Variants in KCNK2 observed in about 807,000 individuals in gnomAD.
KCNK2 encodes the protein potassium two pore domain channel subfamily K member 2, also known as potassium channel subfamily K member 2.
KCNK2 carries 21 observed loss-of-function variants against 40.5 expected under a neutral mutation model. The observed-to-expected ratio is 0.52, with a 90% CI of 0.37 to 0.75. The LOEUF (loss-of-function observed/expected upper bound fraction) is 0.75, where lower values mean the gene tolerates loss of function less well. Among genes scored for constraint, KCNK2 ranks in the 30% least tolerant of loss-of-function variants. The probability of loss-of-function intolerance (pLI) is 0.00; values close to 1 mark genes in which losing one functional copy is unlikely to be tolerated. For synonymous variants in KCNK2, 191 were observed against 202.2 expected, an observed-to-expected ratio of 0.94 and a Z score of 0.47; for missense variants, 399 against 531.6, an observed-to-expected ratio of 0.75 and a Z score of 2.45.
Position 215,116,994 on chromosome 1 carries a change from A to G in KCNK2, c.358-7639A>G, listed in dbSNP as rs138898729. Among the ~76,000 whole-genome samples the G allele has an allele frequency of 6.9e-3, 1,049 of 152,146 alleles. 8 individuals are homozygous for G. Among genetic ancestry groups the G allele is most frequent in the Middle Eastern group, 0.017 (5 of 292 alleles). ...TGAAATCAAATATATATTTTTATAAAGAAAAAGATTATTGATGCTAGGTTT... is the reference window on the plus strand; with the variant it reads ...TGAAATCAAATATATATTTTTATAAGGAAAAAGATTATTGATGCTAGGTTT... On this transcript the variant is annotated intron_variant, in intron 2 of 6. Coordinates refer to ENST00000444842, the MANE Select transcript of KCNK2 (RefSeq NM_001017425.3).
At chr1:215,107,851 AT>A (rs1660503159) in intron 2 of KCNK2, among the ~76,000 whole-genome samples, 1 of 152,186 alleles carries the variant, frequency 6.6e-6, no homozygotes, top group Non-Finnish European at 1.5e-5. Context: ...AGCAATAAAA[AT>A]AATGCAAATA....
chr1:215,008,189 T>C (rs1656252478), intron 1 of KCNK2, among the ~76,000 whole-genome samples: 1 of 151,942 alleles, frequency 6.6e-6, no homozygotes, highest in South Asian at 2.1e-4. Context: ...GGTAGAATGA[T>C]TATGATTTTG....
chr1:215,127,297 C>T (rs1661479372), intron 3 of KCNK2, among the ~76,000 whole-genome samples: 1 of 151,948 alleles, frequency 6.6e-6, no homozygotes, highest in Non-Finnish European at 1.5e-5. Flanking sequence ...CCTTACTATT[C>T]CTTGGAAATA....
chr1:215,172,212 C>T (rs751414392), intron 5 of KCNK2, 29 bp downstream of exon 5: 8 of 1,570,974 alleles, frequency 5.1e-6, no homozygotes, highest in Non-Finnish European at 7.0e-6. Context: ...CCATGTTACT[C>T]TTCTAACAGG....
chr1:215,006,876 T>C lies in KCNK2; in HGVS notation c.34+921T>C, dbSNP rs976054213. Among the ~76,000 whole-genome samples the C allele has an allele frequency of 8.0e-5, 12 of 150,842 alleles. No homozygotes were observed. The East Asian group carries it at 2.3e-3, about 29-fold the overall frequency. ...ATTACATTGTGTCACTTTTTTTCCA[T>C]AAGGAATTTCCTCAAAAATCAAATT... On this transcript the variant is annotated intron_variant, in intron 1 of 6. Coordinates refer to the KCNK2 transcript ENST00000391895.
intron 1 of KCNK2, among the ~76,000 whole-genome samples, chr1:215,038,849 T>C (rs995322309): frequency 1.3e-5 from 2 of 152,098 alleles, no homozygotes; most frequent in Non-Finnish European, 2.9e-5. Flanking sequence ...TTCTTCTATT[T>C]CTCCTCTCTC....
chr1:215,236,053 T>TATC lies in KCNK2; in HGVS notation c.*909_*911dup, dbSNP rs71167820. The TATC allele has an allele frequency of 9.6e-3, 1,268 of 132,452 alleles. 8 individuals are homozygous for TATC. The highest frequency in any genetic ancestry group is 0.016 in the African/African-American group (559 of 35,492). 8.2% of individuals were successfully genotyped at this position (132,452 alleles called of 1,614,324 possible). A position where few individuals can be genotyped will look rare whatever the true frequency, so the allele number is the denominator to read the frequency against. ...TAAAGGCAGAAGAAGAAAATCTATC[T>TATC]ATCTATCTATCTATCTATCTATCTA... On this transcript the variant is annotated 3_prime_UTR_variant, in exon 7 of 7. Transcript: ENST00000444842.
At chr1:215,033,342 C>T (rs1657271875) in intron 1 of KCNK2, among the ~76,000 whole-genome samples, 1 of 152,046 alleles carries the variant, frequency 6.6e-6, no homozygotes, top group East Asian at 1.9e-4. Flanking sequence ...TTGATCATCT[C>T]AGCAGCCCTG....
intron 1 of KCNK2, among the ~76,000 whole-genome samples, chr1:215,025,018 C>T (rs983779681): frequency 2.0e-5 from 3 of 146,642 alleles, no homozygotes; most frequent in African/African-American, 7.6e-5. Context: ...TGAATTTAGC[C>T]TTATAATATG....
At chr1:215,186,653 G>A (rs186664868) in intron 5 of KCNK2, among the ~76,000 whole-genome samples, 241 of 152,248 alleles carry the variant, frequency 1.6e-3, no homozygotes, top group Middle Eastern at 3.4e-3. Flanking sequence ...TCAGCATTTA[G>A]TACTTTCTCT....
chr1:215,007,029 A>ATATGTGTGTGTG (rs1553254669), intron 1 of KCNK2, among the ~76,000 whole-genome samples: 6,693 of 65,910 alleles, frequency 0.1, 467 homozygotes, highest in Non-Finnish European at 0.14. Context: ...ATATATATAT[A>ATATGTGTGTGTG]TATATATATG....
At chr1:215,014,985 G>A (rs926462044) in intron 1 of KCNK2, among the ~76,000 whole-genome samples, 2 of 152,182 alleles carry the variant, frequency 1.3e-5, no homozygotes, top group African/African-American at 2.4e-5. Flanking sequence ...ACATAGGCTA[G>A]TATTGTAGAA....
intron 3 of KCNK2, among the ~76,000 whole-genome samples, chr1:215,128,903 A>T (rs1362094545): frequency 6.6e-6 from 1 of 152,214 alleles, no homozygotes; most frequent in African/African-American, 2.4e-5. Context: ...CTACAATAAG[A>T]TGGAACATGG....
chr1:215,232,195 G>A (rs1016878057), intron 6 of KCNK2, among the ~76,000 whole-genome samples: 14 of 152,180 alleles, frequency 9.2e-5, no homozygotes, highest in African/African-American at 3.1e-4. Context: ...CTATCCAAAT[G>A]TTCATCAATA....
intron 1 of KCNK2, among the ~76,000 whole-genome samples, chr1:215,011,875 G>T (rs374064163): frequency 6.6e-6 from 1 of 151,646 alleles, no homozygotes; most frequent in Admixed American, 6.6e-5. Context: ...CAAAGTGCTG[G>T]GTTTACAGGC....
At chr1:215,086,333 C>G in intron 1 of KCNK2, 35 bp from the exon 2 acceptor site, 1 of 1,562,776 alleles carries the variant, frequency 6.4e-7, no homozygotes, top group Non-Finnish European at 8.8e-7. Flanking sequence ...CTTCTCATCT[C>G]CTCCAACCTA....
At chr1:215,107,049 TC>T (rs1343038968) in intron 2 of KCNK2, among the ~76,000 whole-genome samples, 15 of 151,790 alleles carry the variant, frequency 9.9e-5, no homozygotes, top group Middle Eastern at 3.4e-3. Context: ...TTTTTAATTT[TC>T]TTAGGATTGC....
intron 1 of KCNK2, among the ~76,000 whole-genome samples, chr1:215,050,206 T>C (rs1259057627): frequency 1.3e-5 from 2 of 152,174 alleles, no homozygotes; most frequent in African/African-American, 4.8e-5. Flanking sequence ...ATTCTATACA[T>C]ATTTTGTTAA....
At chr1:215,214,545 GC>G (rs1271434135) in intron 6 of KCNK2, among the ~76,000 whole-genome samples, 3 of 152,154 alleles carry the variant, frequency 2.0e-5, no homozygotes, top group Non-Finnish European at 2.9e-5. Flanking sequence ...AGCAATCATG[GC>G]CAGGCTCAGT....
Sources: gnomAD v4.1 joint callset for allele counts (sites outside exome capture counted in the v4.1 genomes callset) on GRCh38, gnomAD v4.1.1 for gene constraint, MANE v1.5 for transcripts, NCBI Gene and HGNC (gene_info 2026-07-23, HGNC 2026-07-21) for gene names.